The following RBFOX1 variants were observed in gnomAD, a reference collection of about 807,000 sequenced individuals.
RBFOX1 encodes RNA binding protein fox-1 homolog 1.
In RBFOX1, 8 loss-of-function variants were observed where a neutral mutation model predicts 57.7. The observed-to-expected ratio is 0.14, with a 90% CI of 0.08 to 0.25. The LOEUF (loss-of-function observed/expected upper bound fraction) is 0.25, where lower values mean the gene tolerates loss of function less well. Among genes scored for constraint, RBFOX1 ranks in the 10% least tolerant of loss-of-function variants. RBFOX1 has a pLI of 1.00. For missense variants in RBFOX1, 611 were observed against 548.5 expected (o/e 1.11, Z -1.14); for synonymous variants, 326 against 222.4 (o/e 1.47, Z -4.15).
Position 6,304,165 on chromosome 16 carries a change from G to C in RBFOX1, c.-126-12830G>C, listed in dbSNP as rs994579283. Among the ~76,000 whole-genome samples, 11 of 151,776 alleles carry C rather than the reference G, an allele frequency of 7.2e-5. No individual in the cohort carries two copies. In the East Asian group the frequency reaches 2.2e-3, roughly 30 times the overall value. On this transcript the variant is annotated intron_variant, in intron 1 of 15. Transcript: ENST00000550418. Reference sequence around the variant, plus strand: ...TACCCAGGCGTGGTGGCAGGTGCCTGTAGTCCCGGCTATTCAGGAGGCTGA... The same window carrying C: ...TACCCAGGCGTGGTGGCAGGTGCCTCTAGTCCCGGCTATTCAGGAGGCTGA...
intron 4 of RBFOX1, among the ~76,000 whole-genome samples, chr16:5,967,608 C>T (rs1025261530): frequency 2.0e-5 from 3 of 152,190 alleles, no homozygotes; most frequent in Non-Finnish European, 4.4e-5. Flanking sequence ...ACCATGGGCT[C>T]ATACTGATAC....
intron 4 of RBFOX1, among the ~76,000 whole-genome samples, chr16:7,499,287 G>C (rs570347575): frequency 6.6e-6 from 1 of 152,152 alleles, no homozygotes; most frequent in African/African-American, 2.4e-5. Flanking sequence ...TTCATCTTCA[G>C]ATGGTATGCA....
At chr16:7,181,028 A>G (rs892013894) in intron 4 of RBFOX1, among the ~76,000 whole-genome samples, 6 of 152,198 alleles carry the variant, frequency 3.9e-5, no homozygotes, top group South Asian at 2.1e-4. Flanking sequence ...GCATTGCAGT[A>G]AATGTTTTTA....
At chr16:6,546,822 G>A (rs1007476834) in intron 2 of RBFOX1, among the ~76,000 whole-genome samples, 1 of 152,146 alleles carries the variant, frequency 6.6e-6, no homozygotes, top group Non-Finnish European at 1.5e-5. Flanking sequence ...CTCCATAATA[G>A]GACCAAAGAT....
In RBFOX1 at chr16:6,719,882, C is replaced by T. The variant is rs1266280486; in HGVS notation, c.-16+65232C>T. On this transcript the variant is annotated intron_variant, in intron 3 of 15. Coordinates refer to ENST00000550418, the MANE Select transcript of RBFOX1 (RefSeq NM_018723.4). ...CCTGGGCGGGCGGATCACCTGAGGT[C>T]AGGAGTTCGAGACCAGCCTGGCCAT... is the stretch of plus-strand genomic sequence containing the variant. Among the ~76,000 whole-genome samples the T allele has an allele frequency of 4.6e-5, 7 of 152,044 alleles. No homozygotes were observed. The East Asian group carries it at 1.2e-3, about 26-fold the overall frequency.
In RBFOX1 at chr16:6,917,205, A is replaced by C. The variant is rs557800437; in HGVS notation, c.-15-134852A>C. ...GAGTTTCTGTTCTTAATTTGTATTTAAAATAGAAAATCTCAGTGGCCACCT... is the reference window on the plus strand; with the variant it reads ...GAGTTTCTGTTCTTAATTTGTATTTCAAATAGAAAATCTCAGTGGCCACCT... On this transcript the variant is annotated intron_variant, in intron 3 of 15. Coordinates refer to ENST00000550418, the MANE Select transcript of RBFOX1 (RefSeq NM_018723.4). 3.9e-5 allele frequency among the ~76,000 whole-genome samples: 6 copies of C among 152,282 alleles called. No individual in the cohort carries two copies. In the South Asian group the frequency reaches 1.2e-3, roughly 32 times the overall value.
chr16:6,501,232 T>A (rs2095912164), intron 2 of RBFOX1, among the ~76,000 whole-genome samples: 2 of 150,712 alleles, frequency 1.3e-5, no homozygotes, highest in African/African-American at 4.9e-5. Flanking sequence ...GTTGGTGTGC[T>A]GCACCCATCA....
intron 3 of RBFOX1, among the ~76,000 whole-genome samples, chr16:6,768,429 G>A (rs1019587912): frequency 2.0e-5 from 3 of 151,842 alleles, no homozygotes; most frequent in Admixed American, 1.3e-4. Flanking sequence ...AAACATATAA[G>A]AGTGCAGAGA....
At chr16:6,397,501 T>A (rs1444843202) in intron 2 of RBFOX1, among the ~76,000 whole-genome samples, 1 of 152,114 alleles carries the variant, frequency 6.6e-6, no homozygotes, top group African/African-American at 2.4e-5. Context: ...TGAAAATAGA[T>A]GTTTTATTAC....
At chr16:5,948,591 G>A (rs942522153) in intron 4 of RBFOX1, among the ~76,000 whole-genome samples, 1 of 152,162 alleles carries the variant, frequency 6.6e-6, no homozygotes, top group Non-Finnish European at 1.5e-5. Flanking sequence ...AGACCTACAG[G>A]GAAGGCCGTG....
At chr16:5,332,170 G>T (rs1596545861) in intron 1 of RBFOX1, among the ~76,000 whole-genome samples, 1 of 152,240 alleles carries the variant, frequency 6.6e-6, no homozygotes, top group Admixed American at 6.5e-5. Flanking sequence ...ACCACCAAGT[G>T]TGGTTTTATT....
intron 2 of RBFOX1, among the ~76,000 whole-genome samples, chr16:6,532,722 A>C (rs1372539146): frequency 6.6e-6 from 1 of 152,104 alleles, no homozygotes; most frequent in Admixed American, 6.5e-5. Context: ...ACTGGACTCC[A>C]TTCCCATTTG....
At chr16:5,779,885 C>G (rs1349523926) in intron 3 of RBFOX1, among the ~76,000 whole-genome samples, 1 of 152,162 alleles carries the variant, frequency 6.6e-6, no homozygotes, top group African/African-American at 2.4e-5. Context: ...TCAGTTTTCT[C>G]ACTTGTAAAA....
chr16:7,209,751 T>A (rs941507377), intron 4 of RBFOX1, among the ~76,000 whole-genome samples: 2 of 152,234 alleles, frequency 1.3e-5, no homozygotes, highest in African/African-American at 4.8e-5. Flanking sequence ...GAGTCTTGTC[T>A]GAGTCATCAT....
At chr16:6,238,343 A>G (rs532464036) in intron 1 of RBFOX1, among the ~76,000 whole-genome samples, 8 of 152,156 alleles carry the variant, frequency 5.3e-5, no homozygotes, top group Non-Finnish European at 1.2e-4. Flanking sequence ...AGGAACCTCT[A>G]TCACATTACA....
At chr16:5,307,783 C>G (rs572544957) in intron 1 of RBFOX1, among the ~76,000 whole-genome samples, 6 of 152,170 alleles carry the variant, frequency 3.9e-5, no homozygotes, top group Non-Finnish European at 8.8e-5. Context: ...AAGCAATCCT[C>G]CCACCTCAGC....
chr16:5,770,829 C>G, intron 3 of RBFOX1, among the ~76,000 whole-genome samples: 1 of 152,240 alleles, frequency 6.6e-6, no homozygotes, highest in East Asian at 1.9e-4. Flanking sequence ...CTATGCCAAG[C>G]CCATGACAGA....
intron 3 of RBFOX1, among the ~76,000 whole-genome samples, chr16:6,893,568 G>A (rs1277109182): frequency 1.3e-5 from 2 of 152,094 alleles, no homozygotes; most frequent in Non-Finnish European, 2.9e-5. Flanking sequence ...GAGCCCCAAA[G>A]TAAATTTAGA....
intron 4 of RBFOX1, among the ~76,000 whole-genome samples, chr16:7,290,911 C>G (rs766700915): frequency 1.3e-5 from 2 of 152,202 alleles, no homozygotes; most frequent in African/African-American, 2.4e-5. Context: ...GAAGAATAAA[C>G]AGAAACACAC....
Sources: allele counts gnomAD v4.1 joint callset (sites outside exome capture counted in the v4.1 genomes callset), GRCh38; gene constraint gnomAD v4.1.1; transcripts MANE v1.5; gene names NCBI Gene and HGNC (gene_info 2026-07-23, HGNC 2026-07-21).